Variants in SLCO1B1 observed in about 807,000 individuals in gnomAD.
SLCO1B1 encodes the protein OATP-2.
Under a neutral mutation model 70.1 loss-of-function variants are expected in SLCO1B1, and 81 were observed. The ratio of observed to expected loss-of-function variants is 1.16; its 90% CI spans 0.97 to 1.39. SLCO1B1 has a LOEUF of 1.39. Among genes scored for constraint, SLCO1B1 ranks in the 40% most tolerant of loss-of-function variants. The probability of loss-of-function intolerance (pLI) is 0.00; values close to 1 mark genes in which losing one functional copy is unlikely to be tolerated. For synonymous variants in SLCO1B1, 283 were observed against 271.5 expected, an observed-to-expected ratio of 1.04 and a Z score of -0.42; for missense variants, 895 against 799.6, an observed-to-expected ratio of 1.12 and a Z score of -1.44.
intron 14 of SLCO1B1, among the ~76,000 whole-genome samples, chr12:21,231,755 T>C (rs1941541528): frequency 6.6e-6 from 1 of 151,986 alleles, no homozygotes; most frequent in South Asian, 2.1e-4. Flanking sequence ...CAAACGTATA[T>C]GTGTGTCTGT....
At chr12:21,135,511 G>T (rs541493505) in intron 1 of SLCO1B1, among the ~76,000 whole-genome samples, 193 of 152,216 alleles carry the variant, frequency 1.3e-3, no homozygotes, top group Non-Finnish European at 2.3e-3. Context: ...TATGAATCTG[G>T]GTGCTCCTGT....
intron 11 of SLCO1B1, among the ~76,000 whole-genome samples, chr12:21,215,788 T>C (rs4363657): frequency 0.18 from 27,722 of 152,112 alleles, 2,889 homozygotes; most frequent in East Asian, 0.45. Flanking sequence ...CAGTGGGTAC[T>C]CACTCTTTTT....
intron 4 of SLCO1B1, among the ~76,000 whole-genome samples, chr12:21,175,317 A>G (rs1477084463): frequency 6.6e-6 from 1 of 152,220 alleles, no homozygotes; most frequent in Non-Finnish European, 1.5e-5. Flanking sequence ...GAAAAGAATA[A>G]GAAGCAACAA....
At chr12:21,148,510 C>T (rs996828717) in intron 2 of SLCO1B1, among the ~76,000 whole-genome samples, 39 of 151,976 alleles carry the variant, frequency 2.6e-4, no homozygotes, top group South Asian at 2.1e-4. Flanking sequence ...TGTCAAAGAT[C>T]GGATGGTTGT....
chr12:21,208,278 C>T (rs188642866), intron 11 of SLCO1B1, among the ~76,000 whole-genome samples: 1 of 152,060 alleles, frequency 6.6e-6, no homozygotes, highest in Admixed American at 6.6e-5. Context: ...TTTTACATTT[C>T]AGTCTGTAAT....
At chr12:21,205,568 G>A (rs1941206052) in intron 10 of SLCO1B1, among the ~76,000 whole-genome samples, 2 of 150,458 alleles carry the variant, frequency 1.3e-5, no homozygotes, top group Non-Finnish European at 2.9e-5. Context: ...TTTCTTCATA[G>A]AATTATAACA....
rs1353535924 is a variant in SLCO1B1 at position 21,174,592 on chromosome 12, T to C, written c.242T>C (p.Ile81Thr). 3 of 1,613,502 alleles carry C rather than the reference T, an allele frequency of 1.9e-6. No homozygotes were observed. Among genetic ancestry groups the C allele is most frequent in the Middle Eastern group, 1.7e-4 (1 of 6,032 alleles). ...GSFEIGNLLV[I>T]VFVSYFGSKL... ...CCCTTTCTAGGAAATTTGCTTGTGA[T>C]TGTATTTGTGAGTTACTTTGGATCC... The change falls in exon 4 of 15, where the codon ATT becomes ACT. Residue 81 changes from isoleucine to threonine, a missense_variant. Physicochemically the swap from Ile to Thr is moderately conservative, Grantham distance 89 (BLOSUM62 -1). Coordinates refer to ENST00000256958, the MANE Select transcript of SLCO1B1 (RefSeq NM_006446.5).
chr12:21,220,988 C>A (rs894410659), intron 12 of SLCO1B1, among the ~76,000 whole-genome samples: 1 of 151,970 alleles, frequency 6.6e-6, no homozygotes, highest in African/African-American at 2.4e-5. Flanking sequence ...ATATATAAAT[C>A]AATAAATGTG....
intron 2 of SLCO1B1, among the ~76,000 whole-genome samples, chr12:21,166,389 A>T (rs1940686267): frequency 6.6e-6 from 1 of 152,188 alleles, no homozygotes; most frequent in African/African-American, 2.4e-5. Flanking sequence ...GAAATGATAT[A>T]TCCAATAAAG....
At chr12:21,133,116 C>T (rs1465135008) in intron 1 of SLCO1B1, among the ~76,000 whole-genome samples, 1 of 152,086 alleles carries the variant, frequency 6.6e-6, no homozygotes, top group African/African-American at 2.4e-5. Flanking sequence ...TTGTTTTTCT[C>T]AGGTTTGTCA....
At chr12:21,186,397 C>T (rs1940962245) in intron 7 of SLCO1B1, among the ~76,000 whole-genome samples, 1 of 152,018 alleles carries the variant, frequency 6.6e-6, no homozygotes. Context: ...ATGAACAGTT[C>T]CTCTCTCCAA....
chr12:21,236,511 C>G (rs1941596813), intron 14 of SLCO1B1, among the ~76,000 whole-genome samples: 1 of 152,150 alleles, frequency 6.6e-6, no homozygotes, highest in African/African-American at 2.4e-5. Context: ...AGTTGTCTAT[C>G]CCTGGGGAGT....
At chr12:21,169,927 T>C (rs544397118) in intron 2 of SLCO1B1, among the ~76,000 whole-genome samples, 1 of 152,332 alleles carries the variant, frequency 6.6e-6, no homozygotes, top group East Asian at 1.9e-4. Context: ...ACTCATGCTT[T>C]TTTTCTAGTA....
At chr12:21,236,172 C>T (rs190650028) in intron 14 of SLCO1B1, among the ~76,000 whole-genome samples, 91 of 152,256 alleles carry the variant, frequency 6.0e-4, no homozygotes, top group Non-Finnish European at 1.1e-3. Flanking sequence ...GTTGGTACTG[C>T]CTCCTTCAGT....
At chr12:21,172,255 G>T (rs1199895271) in intron 2 of SLCO1B1, among the ~76,000 whole-genome samples, 1 of 152,138 alleles carries the variant, frequency 6.6e-6, no homozygotes, top group Non-Finnish European at 1.5e-5. Context: ...TCCTGGAAAT[G>T]CTGCCTTTGA....
chr12:21,214,441 C>T (rs9669758), intron 11 of SLCO1B1, among the ~76,000 whole-genome samples: 38,466 of 132,624 alleles, frequency 0.29, 6,476 homozygotes, highest in East Asian at 0.41. Context: ...AGCTGCGTGC[C>T]GGGAGAACCA....
chr12:21,205,977 T>C lies in SLCO1B1; in HGVS notation c.1441T>C (p.Tyr481His), dbSNP rs745708956. ...AGTCTGTGGAAACAATGGAATAACT[T>C]ACATCTCACCCTGTCTAGCAGGTTG... ...EPVCGNNGIT[Y>H]ISPCLAGCKS... Residue 481 changes from tyrosine (Y) to histidine (H), a missense_variant, in exon 11 of 15, where the codon TAC (tyrosine) becomes CAC (histidine). By Grantham distance (83) the Tyr-to-His change is moderately conservative. Coordinates refer to ENST00000256958, the MANE Select transcript of SLCO1B1 (RefSeq NM_006446.5). The C allele has an allele frequency of 2.5e-6, 4 of 1,612,332 alleles. No individual in the cohort carries two copies. Among genetic ancestry groups the C allele is most frequent in the Non-Finnish European group, 3.4e-6 (4 of 1,178,740 alleles).
At chr12:21,203,508 GCTTA>G (rs1207050836) in intron 10 of SLCO1B1, among the ~76,000 whole-genome samples, 4 of 151,986 alleles carry the variant, frequency 2.6e-5, no homozygotes, top group Non-Finnish European at 4.4e-5. Flanking sequence ...CTTTAGTGCT[GCTTA>G]CTACTGGTGC....
chr12:21,144,536 G>T (rs1350722977), intron 2 of SLCO1B1, among the ~76,000 whole-genome samples: 1 of 152,002 alleles, frequency 6.6e-6, no homozygotes, highest in African/African-American at 2.4e-5. Context: ...TAGAGAGGTG[G>T]ATATGCAAGT....
Sources: gnomAD v4.1 joint callset for allele counts (sites outside exome capture counted in the v4.1 genomes callset) on GRCh38, gnomAD v4.1.1 for gene constraint, MANE v1.5 for transcripts, NCBI Gene and HGNC (gene_info 2026-07-23, HGNC 2026-07-21) for gene names.